The following PTPRM variants were observed in gnomAD, a reference collection of about 807,000 sequenced individuals.
PTPRM encodes receptor-type tyrosine-protein phosphatase mu.
A neutral mutation model predicts 186.7 loss-of-function variants in PTPRM; 47 were observed. The ratio of observed to expected loss-of-function variants is 0.25; its 90% CI spans 0.20 to 0.32. The LOEUF (loss-of-function observed/expected upper bound fraction) is 0.32. PTPRM is among the 10% of genes least tolerant of loss of function. The pLI is 1.00. For missense variants in PTPRM, 1,494 were observed against 1,865.0 expected, an observed-to-expected ratio of 0.80 and a Z score of 3.66; for synonymous variants, 668 against 674.9, an observed-to-expected ratio of 0.99 and a Z score of 0.16.
rs142343646 is a variant in PTPRM, at chr18:8,345,917, T to C, written c.3054+2397T>C. ...TTAAGGAATAGGATAGGAAAATGTA[T>C]GATAGTAAGATTTACGTAAAATTAT... is the stretch of plus-strand genomic sequence containing the variant. On this transcript the variant is annotated intron_variant, in intron 23 of 32. Transcript: ENST00000580170. Among the ~76,000 whole-genome samples the C allele has an allele frequency of 8.7e-3, 1,317 of 152,230 alleles. 5 individuals are homozygous for C. Among genetic ancestry groups the C allele is most frequent in the African/African-American group, 0.014 (594 of 41,540 alleles).
chr18:7,747,757 G>A (rs970150132), intron 1 of PTPRM: 14 of 152,104 alleles, frequency 9.2e-5, no homozygotes, highest in African/African-American at 3.4e-4. Flanking sequence ...TCATCTCAAC[G>A]AATTATGTCT....
intron 9 of PTPRM, among the ~76,000 whole-genome samples, chr18:8,083,268 C>A (rs2090243640): frequency 6.6e-6 from 1 of 152,102 alleles, no homozygotes; most frequent in African/African-American, 2.4e-5. Context: ...TGTATGTATC[C>A]AAACTTTTTA....
At chr18:8,116,919 G>A (rs1027170933) in intron 13 of PTPRM, among the ~76,000 whole-genome samples, 2 of 152,066 alleles carry the variant, frequency 1.3e-5, no homozygotes, top group Non-Finnish European at 2.9e-5. Context: ...AACCTCTTTT[G>A]GGGAAAGAGG....
At chr18:8,369,619 G>A (rs1205838928) in intron 23 of PTPRM, among the ~76,000 whole-genome samples, 1 of 152,112 alleles carries the variant, frequency 6.6e-6, no homozygotes, top group Non-Finnish European at 1.5e-5. Flanking sequence ...TTGAGGTGCT[G>A]GCAGGACCTC....
intron 19 of PTPRM, among the ~76,000 whole-genome samples, chr18:8,258,037 G>T (rs1379981466): frequency 1.3e-5 from 2 of 152,162 alleles, no homozygotes; most frequent in Non-Finnish European, 2.9e-5. Flanking sequence ...CCAGGGAGAT[G>T]CAATAATTTG....
intron 9 of PTPRM, among the ~76,000 whole-genome samples, chr18:8,083,611 A>G (rs1051382460): frequency 3.3e-5 from 5 of 152,066 alleles, no homozygotes; most frequent in African/African-American, 1.2e-4. Flanking sequence ...TACTTACTGT[A>G]TGCCTCCCCA....
intron 1 of PTPRM, among the ~76,000 whole-genome samples, chr18:7,727,495 T>G (rs2040574263): frequency 6.6e-6 from 1 of 152,228 alleles, no homozygotes; most frequent in Non-Finnish European, 1.5e-5. Flanking sequence ...CCCACTTTTT[T>G]TTGTCATGAA....
At chr18:7,722,304 C>T (rs901604073) in intron 1 of PTPRM, among the ~76,000 whole-genome samples, 10 of 152,074 alleles carry the variant, frequency 6.6e-5, no homozygotes, top group Admixed American at 6.6e-4. Context: ...ATTTAAGGTT[C>T]CTCTGTGTTT....
intron 7 of PTPRM, among the ~76,000 whole-genome samples, chr18:8,000,047 G>A (rs544599342): frequency 1.3e-5 from 2 of 152,300 alleles, no homozygotes; most frequent in African/African-American, 4.8e-5. Flanking sequence ...CAGGCAAGGG[G>A]AATTACCAGT....
At chr18:8,049,781 A>G (rs1041325231) in intron 7 of PTPRM, among the ~76,000 whole-genome samples, 1 of 150,508 alleles carries the variant, frequency 6.6e-6, no homozygotes, top group Non-Finnish European at 1.5e-5. Flanking sequence ...GCGCAGTCTC[A>G]GCTCACTGCA....
intron 14 of PTPRM, among the ~76,000 whole-genome samples, chr18:8,238,652 T>TGTGTGTTTTTTTTTTTG (rs1491488825): frequency 9.6e-5 from 3 of 31,172 alleles, no homozygotes; most frequent in African/African-American, 3.7e-4. Context: ...GTTTTGTGTG[T>TGTGTGTTTTTTTTTTTG]TTTTTTTTTT....
intron 7 of PTPRM, among the ~76,000 whole-genome samples, chr18:8,020,865 G>C (rs1394589359): frequency 6.6e-6 from 1 of 152,178 alleles, no homozygotes; most frequent in African/African-American, 2.4e-5. Context: ...AACGTGCTCA[G>C]TGAGGTACTG....
At chr18:8,320,865 G>A (rs1363860182) in intron 22 of PTPRM, among the ~76,000 whole-genome samples, 1 of 152,202 alleles carries the variant, frequency 6.6e-6, no homozygotes, top group African/African-American at 2.4e-5. Context: ...TAGATGCAAA[G>A]TTGTCTGTAG....
chr18:8,305,264 A>G (rs1025304877), intron 20 of PTPRM, among the ~76,000 whole-genome samples: 4 of 152,206 alleles, frequency 2.6e-5, no homozygotes, highest in African/African-American at 7.2e-5. Context: ...CTGTTTTAGA[A>G]AAAGCAGTCC....
intron 11 of PTPRM, among the ~76,000 whole-genome samples, chr18:8,105,050 A>G (rs1275148709): frequency 2.6e-5 from 4 of 152,196 alleles, no homozygotes; most frequent in Non-Finnish European, 4.4e-5. Context: ...AACCTTTTGA[A>G]AAGGCTCTAT....
intron 7 of PTPRM, among the ~76,000 whole-genome samples, chr18:8,013,951 G>A (rs2084696667): frequency 1.3e-5 from 2 of 152,118 alleles, no homozygotes. Context: ...ATCCATTAGT[G>A]AAAATTATAT....
intron 2 of PTPRM, among the ~76,000 whole-genome samples, chr18:7,842,185 T>C (rs1035869109): frequency 6.6e-6 from 1 of 152,208 alleles, no homozygotes; most frequent in African/African-American, 2.4e-5. Flanking sequence ...CTCTGGTTTA[T>C]AAGGTTAGTT....
At chr18:7,624,243 C>A (rs2038007192) in intron 1 of PTPRM, among the ~76,000 whole-genome samples, 2 of 152,196 alleles carry the variant, frequency 1.3e-5, no homozygotes, top group Non-Finnish European at 2.9e-5. Flanking sequence ...GTTCTTTCCA[C>A]TGTGCTTGAC....
intron 7 of PTPRM, among the ~76,000 whole-genome samples, chr18:7,961,555 A>T (rs2053684706): frequency 6.6e-6 from 1 of 152,236 alleles, no homozygotes; most frequent in Non-Finnish European, 1.5e-5. Flanking sequence ...CATTCAGTTT[A>T]AAAATGCACC....
Sources: allele counts gnomAD v4.1 joint callset (sites outside exome capture counted in the v4.1 genomes callset), GRCh38; gene constraint gnomAD v4.1.1; transcripts MANE v1.5; gene names NCBI Gene and HGNC (gene_info 2026-07-23, HGNC 2026-07-21).